The following PAX5 variants were observed in gnomAD, a reference collection of about 807,000 sequenced individuals.
The protein encoded by PAX5 is paired box 5.
PAX5 carries 9 observed loss-of-function variants against 43.7 expected under a neutral mutation model. That is an observed-to-expected ratio of 0.21 (90% CI 0.12 to 0.36). The LOEUF is 0.36. PAX5 is among the 10% of genes least tolerant of loss of function. PAX5 has a pLI of 1.00. For missense variants in PAX5, 383 were observed against 532.7 expected, an observed-to-expected ratio of 0.72 and a Z score of 2.77; for synonymous variants, 228 against 214.3, an observed-to-expected ratio of 1.06 and a Z score of -0.56.
intron 7 of PAX5, among the ~76,000 whole-genome samples, chr9:36,917,076 C>T (rs1186552764): frequency 6.6e-6 from 1 of 152,096 alleles, no homozygotes; most frequent in Non-Finnish European, 1.5e-5. Flanking sequence ...TTAAATTAAG[C>T]ATAATTTTGA....
intron 6 of PAX5, among the ~76,000 whole-genome samples, chr9:36,950,057 A>G (rs115400715): frequency 6.6e-6 from 1 of 152,312 alleles, no homozygotes; most frequent in African/African-American, 2.4e-5. Context: ...TTTAGAACTC[A>G]TCTAAGTCCC....
rs553716917 is a variant in PAX5, at chr9:36,867,710, T to C, written c.1012+14294A>G. Reference sequence around the variant, plus strand: ...TCACATTTTTCCTTCCTCCCTCTTTTATCTCTCTTTCTCTTTTCCACTCCT... The same window carrying C: ...TCACATTTTTCCTTCCTCCCTCTTTCATCTCTCTTTCTCTTTTCCACTCCT... On this transcript the variant is annotated intron_variant, in intron 8 of 9. Transcript: ENST00000358127. Among the ~76,000 whole-genome samples the C allele has an allele frequency of 2.0e-5, 3 of 152,332 alleles. No homozygotes were observed. In the South Asian group the frequency reaches 6.2e-4, roughly 32 times the overall value.
chr9:36,851,044 G>A (rs1435526817), intron 8 of PAX5, among the ~76,000 whole-genome samples: 3 of 152,250 alleles, frequency 2.0e-5, no homozygotes, highest in South Asian at 2.1e-4. Context: ...CTGCCATCAG[G>A]CCATCTGCTC....
At chr9:36,977,752 C>A (rs1486128517) in intron 5 of PAX5, among the ~76,000 whole-genome samples, 2 of 152,084 alleles carry the variant, frequency 1.3e-5, no homozygotes, top group African/African-American at 2.4e-5. Context: ...GGCTGGCCTC[C>A]CAAAGTGCTG....
At chr9:36,956,895 C>T (rs910015234) in intron 6 of PAX5, among the ~76,000 whole-genome samples, 6 of 152,180 alleles carry the variant, frequency 3.9e-5, no homozygotes, top group African/African-American at 1.4e-4. Flanking sequence ...CAGAATAATC[C>T]TTGTGATTAT....
At chr9:36,972,030 T>C (rs1179942717) in intron 5 of PAX5, among the ~76,000 whole-genome samples, 1 of 152,246 alleles carries the variant, frequency 6.6e-6, no homozygotes, top group African/African-American at 2.4e-5. Context: ...ATGCGCTTTA[T>C]GTCTGCAGAT....
intron 6 of PAX5, among the ~76,000 whole-genome samples, chr9:36,927,828 C>A (rs1445370245): frequency 6.6e-6 from 1 of 152,156 alleles, no homozygotes; most frequent in Non-Finnish European, 1.5e-5. Flanking sequence ...CCTGCCTCAG[C>A]CTCCCAAGTG....
intron 6 of PAX5, among the ~76,000 whole-genome samples, chr9:36,938,853 G>A (rs897612619): frequency 6.6e-5 from 10 of 152,166 alleles, no homozygotes; most frequent in Non-Finnish European, 1.0e-4. Flanking sequence ...ATACAGCTGC[G>A]AGGGCAACAA....
chr9:36,969,157 C>A (rs111490656), intron 5 of PAX5, among the ~76,000 whole-genome samples: 2 of 150,882 alleles, frequency 1.3e-5, no homozygotes, highest in African/African-American at 4.9e-5. Context: ...GCCAGCCGGG[C>A]CCAAAACTCA....
At chr9:37,009,463 G>T (rs1188223340) in intron 3 of PAX5, among the ~76,000 whole-genome samples, 1 of 152,110 alleles carries the variant, frequency 6.6e-6, no homozygotes, top group African/African-American at 2.4e-5. Context: ...TATTTTCAGT[G>T]GTGTCTTTGT....
intron 5 of PAX5, among the ~76,000 whole-genome samples, chr9:36,969,060 C>A (rs1834701568): frequency 6.6e-6 from 1 of 152,186 alleles, no homozygotes; most frequent in South Asian, 2.1e-4. Flanking sequence ...AGGACACCAC[C>A]AAGTTCCTCC....
At chr9:36,980,182 G>A (rs571486006) in intron 5 of PAX5, among the ~76,000 whole-genome samples, 4 of 152,336 alleles carry the variant, frequency 2.6e-5, no homozygotes, top group South Asian at 2.1e-4. Flanking sequence ...GGCTTGCACC[G>A]GTGGCTGCCT....
chr9:36,871,707 T>C (rs1045674406), intron 8 of PAX5, among the ~76,000 whole-genome samples: 2 of 152,164 alleles, frequency 1.3e-5, no homozygotes, highest in African/African-American at 4.8e-5. Flanking sequence ...GTTGGTGCAG[T>C]TGGATCTGGG....
chr9:36,873,714 T>C (rs1256354636), intron 8 of PAX5, among the ~76,000 whole-genome samples: 1 of 152,226 alleles, frequency 6.6e-6, no homozygotes, highest in Non-Finnish European at 1.5e-5. Context: ...CCTCTCTCCA[T>C]CTGATGCTCA....
chr9:36,881,867 A>G lies in PAX5; in HGVS notation c.1012+137T>C, dbSNP rs565797803. ...GCCCACTGCAGGCCCAGCTGCAGAG[A>G]GTGCAGACCTCTGCCTGATTTATTC... On this transcript the variant is annotated intron_variant, in intron 8 of 9. Transcript: ENST00000358127. 2.6e-5 allele frequency: 18 copies of G among 694,942 alleles called. No individual in the cohort carries two copies. The South Asian group carries it at 2.9e-4, about 11-fold the overall frequency. The allele number at this position is 694,942 out of a possible 1,614,324, so 43.0% of individuals were successfully genotyped here.
intron 6 of PAX5, among the ~76,000 whole-genome samples, chr9:36,953,651 G>T (rs1167536043): frequency 1.3e-5 from 2 of 152,158 alleles, no homozygotes; most frequent in African/African-American, 4.8e-5. Context: ...TTCTGTTACT[G>T]TGTTTTTTAT....
chr9:36,900,912 G>A (rs997420970), intron 7 of PAX5, among the ~76,000 whole-genome samples: 1 of 104,748 alleles, frequency 9.5e-6, no homozygotes, highest in African/African-American at 3.5e-5. Context: ...TTATCTCCCG[G>A]GTCCCCCAGA....
intron 8 of PAX5, among the ~76,000 whole-genome samples, chr9:36,851,691 A>C (rs367871475): frequency 6.6e-6 from 1 of 152,238 alleles, no homozygotes; most frequent in Non-Finnish European, 1.5e-5. Flanking sequence ...AATCAGAGAA[A>C]GGCATGGTGG....
chr9:36,969,447 C>A (rs1304004007), intron 5 of PAX5, among the ~76,000 whole-genome samples: 1 of 152,248 alleles, frequency 6.6e-6, no homozygotes, highest in African/African-American at 2.4e-5. Context: ...CCCCTGGGGG[C>A]AAGGTCACTG....
Sources: gnomAD v4.1 joint callset for allele counts (sites outside exome capture counted in the v4.1 genomes callset) on GRCh38, gnomAD v4.1.1 for gene constraint, MANE v1.5 for transcripts, NCBI Gene and HGNC (gene_info 2026-07-23, HGNC 2026-07-21) for gene names.